TRPC5: variants seen among roughly 807,000 people sequenced by gnomAD.
The protein encoded by TRPC5 is transient receptor potential cation channel subfamily C member 5, also known as short transient receptor potential channel 5.
Under a neutral mutation model 56.5 loss-of-function variants are expected in TRPC5, and 9 were observed. The ratio of observed to expected loss-of-function variants is 0.16; its 90% confidence interval spans 0.10 to 0.28. TRPC5 has a LOEUF of 0.28. Ranked by LOEUF, TRPC5 falls within the 10% of genes least tolerant of loss-of-function variation. The pLI is 1.00. For synonymous variants in TRPC5, 282 were observed against 278.5 expected (o/e 1.01, Z -0.13); for missense variants, 469 against 748.9 (o/e 0.63, Z 4.36).
chrX:111,909,749 CA>C (rs2148619319), intron 3 of TRPC5, among the ~76,000 whole-genome samples: 1 of 111,012 alleles, frequency 9.0e-6, no homozygotes, highest in African/African-American at 3.3e-5. Flanking sequence ...TGTGTAAAAA[CA>C]ATGATAAGAA....
In TRPC5 at chrX:112,076,580, C is replaced by T. The variant is rs769708022; in HGVS notation, c.-22+5299G>A. ...ATCAGGCAGAAACCTAGTTCTGCTC[C>T]TAGAATGTCATTTTGGCCTTGAATT... On this transcript the variant is annotated intron_variant, in intron 1 of 10. Transcript: ENST00000262839. Among the ~76,000 whole-genome samples the T allele has an allele frequency of 2.7e-5, 3 of 111,879 alleles. No individual in the cohort carries two copies. In the South Asian group the frequency reaches 1.1e-3, roughly 42 times the overall value.
At chrX:111,878,119 A>C (rs1924042458) in intron 3 of TRPC5, among the ~76,000 whole-genome samples, 2 of 110,712 alleles carry the variant, frequency 1.8e-5, no homozygotes, top group Middle Eastern at 4.8e-3. Flanking sequence ...ACATCAGCTC[A>C]AGATCCAACT....
At chrX:111,935,981 AT>A (rs927984656) in intron 2 of TRPC5, among the ~76,000 whole-genome samples, 3 of 110,859 alleles carry the variant, frequency 2.7e-5, no homozygotes, top group Non-Finnish European at 3.8e-5. Context: ...ATATTTTAGG[AT>A]TTTTTTCCTA....
intron 3 of TRPC5, among the ~76,000 whole-genome samples, chrX:111,860,474 C>CA (rs891947047): frequency 9.0e-6 from 1 of 111,714 alleles, no homozygotes; most frequent in Non-Finnish European, 1.9e-5. Flanking sequence ...GAGTTCTGTA[C>CA]GTTTTGTTGT....
chrX:112,017,026 T>C (rs1417125922), intron 1 of TRPC5, among the ~76,000 whole-genome samples: 1 of 111,713 alleles, frequency 9.0e-6, no homozygotes, highest in East Asian at 2.8e-4. Context: ...TATTTATTTG[T>C]TTTTTTGAGA....
At chrX:112,016,960 A>G (rs1422958342) in intron 1 of TRPC5, among the ~76,000 whole-genome samples, 1 of 112,275 alleles carries the variant, frequency 8.9e-6, no homozygotes, top group Admixed American at 9.4e-5. Flanking sequence ...GCACATTTTA[A>G]GTACTTAATA....
Position 111,769,789 on chromosome X carries a change from T to C in TRPC5, c.*6524A>G, listed in dbSNP as rs1374484542. Among the ~76,000 whole-genome samples the C allele has an allele frequency of 2.7e-5, 3 of 112,078 alleles. No individual in the cohort carries two copies. The highest frequency in any genetic ancestry group is 9.7e-5 in the African/African-American group (3 of 30,868). ...TTTTTTGTTTGTTCGTTTGTTTGTTTTTAACCAGAGAAAGTGGTACTCATC... is the reference window on the plus strand; with the variant it reads ...TTTTTTGTTTGTTCGTTTGTTTGTTCTTAACCAGAGAAAGTGGTACTCATC... On this transcript the variant is annotated 3_prime_UTR_variant, in exon 11 of 11. Coordinates refer to ENST00000262839, the MANE Select transcript of TRPC5 (RefSeq NM_012471.3).
chrX:112,005,419 G>A (rs1928810301), intron 1 of TRPC5, among the ~76,000 whole-genome samples: 1 of 102,897 alleles, frequency 9.7e-6, no homozygotes, highest in African/African-American at 3.7e-5. Context: ...AAGTTTACCT[G>A]TGTCACAAAC....
intron 9 of TRPC5, among the ~76,000 whole-genome samples, chrX:111,780,614 C>A (rs1430581940): frequency 7.2e-5 from 8 of 110,875 alleles, no homozygotes; most frequent in Non-Finnish European, 1.5e-4. Context: ...AAAAAGTCAG[C>A]CCTCTTGTAT....
intron 10 of TRPC5, 133 bp downstream of exon 10, chrX:111,778,852 G>A: frequency 2.5e-6 from 1 of 402,876 alleles, no homozygotes; most frequent in Non-Finnish European, 4.2e-6. Context: ...ACAATTCTAA[G>A]AGAATAAGCA....
rs1301477428 is a variant in TRPC5, at chrX:112,049,911, C to T, written c.-22+31968G>A. Among the ~76,000 whole-genome samples, 5 of 112,367 alleles carry T rather than the reference C, an allele frequency of 4.4e-5. No homozygotes were observed. The Admixed American group carries it at 4.7e-4, about 11-fold the overall frequency. ...AAAGGCTAGGCTGGGCGTGGTGGCT[C>T]ACGCCTGTAATGCCAGCACTTTGGG... On this transcript the variant is annotated intron_variant, in intron 1 of 10. Coordinates refer to ENST00000262839, the MANE Select transcript of TRPC5 (RefSeq NM_012471.3).
intron 1 of TRPC5, among the ~76,000 whole-genome samples, chrX:111,960,376 A>G (rs191681887): frequency 1.8e-5 from 2 of 112,416 alleles, no homozygotes; most frequent in Admixed American, 9.4e-5. Context: ...GGAGGTTTGT[A>G]TAACCACTGA....
chrX:111,912,238 C>G, intron 3 of TRPC5, 53 bp downstream of exon 3: 1 of 1,132,610 alleles, frequency 8.8e-7, no homozygotes. Flanking sequence ...CTCTGCTGCT[C>G]CAGACTTTGG....
chrX:111,882,954 C>A (rs1344684567), intron 3 of TRPC5, among the ~76,000 whole-genome samples: 8 of 110,809 alleles, frequency 7.2e-5, no homozygotes, highest in African/African-American at 2.6e-4. Context: ...GGCATGATGG[C>A]ATGCTCCTGT....
chrX:112,003,713 C>G (rs890495622), intron 1 of TRPC5, among the ~76,000 whole-genome samples: 2 of 111,562 alleles, frequency 1.8e-5, no homozygotes, highest in African/African-American at 6.5e-5. Flanking sequence ...TTAAGAACCA[C>G]TGAATATGGG....
chrX:111,987,521 C>A (rs756060798), intron 1 of TRPC5, among the ~76,000 whole-genome samples: 26 of 111,207 alleles, frequency 2.3e-4, no homozygotes, highest in African/African-American at 6.8e-4. Context: ...TCTCCCCACA[C>A]CCCAACAACT....
intron 7 of TRPC5, among the ~76,000 whole-genome samples, chrX:111,786,411 T>A (rs1055954920): frequency 9.0e-6 from 1 of 111,384 alleles, no homozygotes; most frequent in South Asian, 3.7e-4. Context: ...AGCTACTGAA[T>A]GAAGCACTAA....
At chrX:111,839,050 C>G (rs754918085) in intron 6 of TRPC5, among the ~76,000 whole-genome samples, 2 of 111,876 alleles carry the variant, frequency 1.8e-5, no homozygotes, top group East Asian at 5.7e-4. Flanking sequence ...AATCCCAACA[C>G]AGGTGACCCT....
Position 111,912,429 on chromosome X carries a change from G to A in TRPC5, c.762C>T (p.Asp254=). The change falls in exon 3 of 11, where the codon GAC becomes GAT. Residue 254 remains aspartate, a synonymous_variant. Transcript: ENST00000262839. Reference sequence around the variant, plus strand: ...TGGAGCTCCGAGCTTGGTCCAGCAGGTCTTTGGCAAAGAGCTTGCACTGCT... The same window carrying A: ...TGGAGCTCCGAGCTTGGTCCAGCAGATCTTTGGCAAAGAGCTTGCACTGCT... ...LSQQCKLFAK[D]LLDQARSSRE... The A allele has an allele frequency of 8.3e-7, 1 of 1,211,643 alleles. No individual in the cohort carries two copies. Among genetic ancestry groups the A allele is most frequent in the Non-Finnish European group, 1.1e-6 (1 of 895,558 alleles).
Sources: gnomAD v4.1 joint callset for allele counts (sites outside exome capture counted in the v4.1 genomes callset) on GRCh38, gnomAD v4.1.1 for gene constraint, MANE v1.5 for transcripts, NCBI Gene and HGNC (gene_info 2026-07-23, HGNC 2026-07-21) for gene names.